Variants in CASZ1 observed in about 807,000 individuals in gnomAD.
The protein encoded by CASZ1 is castor zinc finger 1, also known as zinc finger protein castor homolog 1.
Under a neutral mutation model 135.2 loss-of-function variants are expected in CASZ1, and 28 were observed. The observed-to-expected ratio is 0.21, with a 90% CI of 0.15 to 0.28. The LOEUF (loss-of-function observed/expected upper bound fraction) is 0.28, where lower values mean the gene tolerates loss of function less well. Ranked by LOEUF, CASZ1 falls within the 10% of genes least tolerant of loss-of-function variation. The pLI, the probability that CASZ1 is intolerant of heterozygous loss-of-function variation, is 1.00. For missense variants in CASZ1, 2,161 were observed against 2,453.3 expected (o/e 0.88, Z 2.52); for synonymous variants, 1,068 against 1,073.4 (o/e 0.99, Z 0.10).
At chr1:10,752,700 A>G (rs1640170893) in intron 2 of CASZ1, among the ~76,000 whole-genome samples, 1 of 152,246 alleles carries the variant, frequency 6.6e-6, no homozygotes, top group African/African-American at 2.4e-5. Flanking sequence ...TAGGGCTGCC[A>G]GAGAAAATAC....
intron 2 of CASZ1, among the ~76,000 whole-genome samples, chr1:10,743,902 G>T (rs953003947): frequency 6.6e-6 from 1 of 151,774 alleles, no homozygotes; most frequent in African/African-American, 2.4e-5. Flanking sequence ...GGGGCGGCGG[G>T]GGGAGGCAGG....
rs1639613612 is a variant in CASZ1 at position 10,727,222 on chromosome 1, C to A, written c.-76-21678G>T. On this transcript the variant is annotated intron_variant, in intron 2 of 20. Coordinates refer to ENST00000377022, the MANE Select transcript of CASZ1 (RefSeq NM_001079843.3). The surrounding 1 kb of genome is among the most constrained non-coding windows in gnomAD (Gnocchi z 5.3). ...GCGACCGTCCCAGGCCTGTGGGAAG[C>A]TGGGAGACCAGGGCGTCTTGCAGGC... is the stretch of plus-strand genomic sequence containing the variant. Among the ~76,000 whole-genome samples the A allele has an allele frequency of 6.6e-6, 1 of 152,076 alleles. No homozygotes were observed. Among genetic ancestry groups the A allele is most frequent in the Non-Finnish European group, 1.5e-5 (1 of 67,994 alleles).
chr1:10,658,612 G>A, intron 6 of CASZ1, 36 bp from the exon 7 acceptor site: 8 of 1,590,466 alleles, frequency 5.0e-6, no homozygotes, highest in Non-Finnish European at 6.9e-6. Flanking sequence ...CCGGTGAGCA[G>A]ATGGGGCAGC....
chr1:10,719,767 G>T lies in CASZ1; in HGVS notation c.-76-14223C>A, dbSNP rs551628283. Reference sequence around the variant, plus strand: ...GAATAGAGGAATTGGGCACTTCAACGTTCCAAGCAAAAACTGCACACAAAG... The same window carrying T: ...GAATAGAGGAATTGGGCACTTCAACTTTCCAAGCAAAAACTGCACACAAAG... On this transcript the variant is annotated intron_variant, in intron 2 of 20. Transcript: ENST00000377022. The surrounding 1 kb of genome is among the most constrained non-coding windows in gnomAD (Gnocchi z 4.0). Among the ~76,000 whole-genome samples, 2 of 152,166 alleles carry T rather than the reference G, an allele frequency of 1.3e-5. No individual in the cohort carries two copies. Among genetic ancestry groups the T allele is most frequent in the Non-Finnish European group, 2.9e-5 (2 of 68,026 alleles).
At chr1:10,695,815 A>G (rs1638921789) in intron 3 of CASZ1, among the ~76,000 whole-genome samples, 1 of 152,044 alleles carries the variant, frequency 6.6e-6, no homozygotes, top group African/African-American at 2.4e-5. Context: ...TGGTGACTTA[A>G]GTGACGCATC....
intron 4 of CASZ1, among the ~76,000 whole-genome samples, chr1:10,678,923 A>G (rs1465259962): frequency 6.6e-6 from 1 of 152,140 alleles, no homozygotes; most frequent in Non-Finnish European, 1.5e-5. Context: ...TAAATTCTTC[A>G]TTTCCATATA....
chr1:10,757,319 G>A lies in CASZ1; in HGVS notation c.-77+3382C>T, dbSNP rs987669753. On this transcript the variant is annotated intron_variant, in intron 2 of 20. Transcript: ENST00000377022. The surrounding 1 kb of genome is among the most constrained non-coding windows in gnomAD (Gnocchi z 4.6). ...TGGGGCCCTCTCTTTTCCTTGCCCC[G>A]TTGAATCCATCATTGAGTCCTGCTA... Among the ~76,000 whole-genome samples, 2 of 152,042 alleles carry A rather than the reference G, an allele frequency of 1.3e-5. No homozygotes were observed. The highest frequency in any genetic ancestry group is 2.9e-5 in the Non-Finnish European group (2 of 68,004).
At chr1:10,722,210 T>C (rs1487689041) in intron 2 of CASZ1, among the ~76,000 whole-genome samples, 1 of 152,204 alleles carries the variant, frequency 6.6e-6, no homozygotes, top group Non-Finnish European at 1.5e-5. Flanking sequence ...TGAGGCTTCC[T>C]TTACCCCATG....
chr1:10,672,407 C>T (rs931527809), intron 4 of CASZ1, among the ~76,000 whole-genome samples: 10 of 151,938 alleles, frequency 6.6e-5, no homozygotes, highest in Admixed American at 3.9e-4. Flanking sequence ...CCGAAAGCCT[C>T]GCTTAATTAT....
At chr1:10,789,313 C>A (rs1453304323) in intron 1 of CASZ1, among the ~76,000 whole-genome samples, 2 of 150,464 alleles carry the variant, frequency 1.3e-5, no homozygotes, top group African/African-American at 2.4e-5. Flanking sequence ...AGGCCTCCTG[C>A]TGAGCCTCCC....
Position 10,724,358 on chromosome 1 carries a change from G to A in CASZ1, c.-76-18814C>T, listed in dbSNP as rs1294838293. Among the ~76,000 whole-genome samples the A allele has an allele frequency of 2.0e-5, 3 of 152,210 alleles. No individual in the cohort carries two copies. Among genetic ancestry groups the A allele is most frequent in the African/African-American group, 2.4e-5 (1 of 41,450 alleles). On this transcript the variant is annotated intron_variant, in intron 2 of 20. Transcript: ENST00000377022. This position sits in a 1 kb window ranked among gnomAD's most constrained non-coding sequence, Gnocchi z 4.1. ...ATATTTACCAGCCTGGCGAAGTGCC[G>A]AAGGTGCTTGGCACCGAGTGTTTGC...
rs575476211 is a variant in CASZ1, at chr1:10,646,251, G to A, written c.3573C>T (p.Tyr1191=). 4 of 1,614,164 alleles carry A rather than the reference G, an allele frequency of 2.5e-6. No individual in the cohort carries two copies. Among genetic ancestry groups the A allele is most frequent in the East Asian group, 2.2e-5 (1 of 44,882 alleles). ...HFHCLFGNCK[Y]VCKTSGKAES... ...CGGCCTTGCCAGACGTTTTGCAGAC[G>A]TACTTGCAGTTCCCAAAGAGACAGT... is the stretch of plus-strand genomic sequence containing the variant. The change falls in exon 17 of 21, where the codon TAC becomes TAT. Residue 1191 remains tyrosine, a synonymous_variant. Transcript: ENST00000377022. This position sits in a 1 kb window ranked among gnomAD's most constrained non-coding sequence, Gnocchi z 6.4.
chr1:10,681,087 G>C (rs1264788950), intron 4 of CASZ1, among the ~76,000 whole-genome samples: 1 of 152,184 alleles, frequency 6.6e-6, no homozygotes, highest in Non-Finnish European at 1.5e-5. Context: ...TTTTAGTAGA[G>C]ACGGGGTTTC....
intron 2 of CASZ1, among the ~76,000 whole-genome samples, chr1:10,738,335 C>G (rs571071585): frequency 6.6e-6 from 1 of 152,226 alleles, no homozygotes. Flanking sequence ...GCAGGAAACC[C>G]GGAAGGACGC....
chr1:10,664,474 T>C (rs948174490), intron 5 of CASZ1, among the ~76,000 whole-genome samples: 1 of 152,112 alleles, frequency 6.6e-6, no homozygotes, highest in African/African-American at 2.4e-5. Flanking sequence ...CCGGGGCAGC[T>C]GGCTGTAAGA....
intron 2 of CASZ1, among the ~76,000 whole-genome samples, chr1:10,712,812 C>A (rs1023305757): frequency 6.6e-6 from 1 of 152,252 alleles, no homozygotes; most frequent in Non-Finnish European, 1.5e-5. Flanking sequence ...CCAATACACA[C>A]GGCCCAGCCA....
Position 10,724,051 on chromosome 1 carries a change from A to G in CASZ1, c.-76-18507T>C, listed in dbSNP as rs1639552651. ...TTGGATTCCTGGTGAGGACAAGTCC[A>G]GTTTTCCAAACCGACCTTGGAGCTC... is the stretch of plus-strand genomic sequence containing the variant. On this transcript the variant is annotated intron_variant, in intron 2 of 20. Coordinates refer to ENST00000377022, the MANE Select transcript of CASZ1 (RefSeq NM_001079843.3). This position sits in a 1 kb window ranked among gnomAD's most constrained non-coding sequence, Gnocchi z 4.1. Among the ~76,000 whole-genome samples the G allele has an allele frequency of 6.6e-6, 1 of 152,198 alleles. No individual in the cohort carries two copies. Among genetic ancestry groups the G allele is most frequent in the Non-Finnish European group, 1.5e-5 (1 of 68,036 alleles).
chr1:10,665,016 C>T (rs2100289052), intron 5 of CASZ1, 67 bp downstream of exon 5: 1 of 1,459,816 alleles, frequency 6.9e-7, no homozygotes, highest in Non-Finnish European at 9.0e-7. Flanking sequence ...TTACCAGACA[C>T]ACTGCCCCTT....
In CASZ1 at chr1:10,755,736, ACT is replaced by A. The variant is rs367712015; in HGVS notation, c.-77+4963_-77+4964del. ...AGATGAGAAATCAGGAAGATCAATA[ACT>A]CTTCCCAGACCAACTCCCAGCCACA... On this transcript the variant is annotated intron_variant, in intron 2 of 20. Transcript: ENST00000377022. The surrounding 1 kb of genome is among the most constrained non-coding windows in gnomAD (Gnocchi z 4.3). Among the ~76,000 whole-genome samples the A allele has an allele frequency of 4.4e-4, 66 of 151,624 alleles. 1 individual carries two copies. The highest frequency in any genetic ancestry group is 1.6e-3 in the African/African-American group (64 of 41,290).
Sources: allele counts gnomAD v4.1 joint callset (sites outside exome capture counted in the v4.1 genomes callset), GRCh38; gene constraint gnomAD v4.1.1; non-coding constraint Gnocchi (gnomAD v3.1); transcripts MANE v1.5; gene names NCBI Gene and HGNC (gene_info 2026-07-23, HGNC 2026-07-21).